KALRN: variants seen among roughly 807,000 people sequenced by gnomAD.
KALRN encodes kalirin RhoGEF kinase, also known as kalirin.
A neutral mutation model predicts 353.7 loss-of-function variants in KALRN; 70 were observed. The observed-to-expected ratio is 0.20, with a 90% CI of 0.16 to 0.24. The LOEUF is 0.24. KALRN is among the 10% of genes least tolerant of loss of function. The pLI is 1.00. For missense variants in KALRN, 2,791 were observed against 3,756.7 expected (o/e 0.74, Z 6.72); for synonymous variants, 1,391 against 1,434.8 (o/e 0.97, Z 0.69).
intron 33 of KALRN, chr3:124,518,551 C>A (rs41264659): frequency 0.021 from 34,424 of 1,609,652 alleles, 467 homozygotes; most frequent in Non-Finnish European, 0.025. Context: ...ACCCACCTCT[C>A]TTGAGACTTC....
chr3:124,255,616 G>C (rs1416393402), intron 3 of KALRN, among the ~76,000 whole-genome samples: 1 of 152,224 alleles, frequency 6.6e-6, no homozygotes, highest in East Asian at 1.9e-4. Context: ...TAAGGCTCTA[G>C]AAATTGGTCA....
Position 124,490,959 on chromosome 3 carries a change from ACTCAT to A in KALRN, c.4587+84_4587+88del, listed in dbSNP as rs959218973. ...CATGGGCAGGAAGGGATCTGGACACACTCATCTCATCTCCTCCCCGGCCTCCACAC... is the reference window on the plus strand; with the variant it reads ...CATGGGCAGGAAGGGATCTGGACACACTCATCTCCTCCCCGGCCTCCACAC... On this transcript the variant is annotated intron_variant, in intron 30 of 59. Coordinates refer to ENST00000682506, the MANE Select transcript of KALRN (RefSeq NM_001388419.1). 21 of 1,339,866 alleles carry A rather than the reference ACTCAT, an allele frequency of 1.6e-5. No homozygotes were observed. In the African/African-American group the frequency reaches 2.2e-4, roughly 14 times the overall value. The allele number at this position is 1,339,866 out of a possible 1,614,324, so 83.0% of individuals were successfully genotyped here.
chr3:124,174,325 T>A (rs2072342539), intron 1 of KALRN, among the ~76,000 whole-genome samples: 1 of 152,038 alleles, frequency 6.6e-6, no homozygotes, highest in Non-Finnish European at 1.5e-5. Context: ...TCCAAGCTAC[T>A]TGGGAGGCTG....
chr3:124,084,742 A>T (rs2060718857), intron 1 of KALRN, among the ~76,000 whole-genome samples: 1 of 152,190 alleles, frequency 6.6e-6, no homozygotes, highest in Non-Finnish European at 1.5e-5. Flanking sequence ...TTGCCAATTA[A>T]CAGGGCACTT....
At chr3:124,175,803 C>A (rs2072646943) in intron 1 of KALRN, among the ~76,000 whole-genome samples, 1 of 152,186 alleles carries the variant, frequency 6.6e-6, no homozygotes, top group Admixed American at 6.5e-5. Context: ...TTTTAGATTT[C>A]AGCCTCTATT....
At chr3:124,067,914 T>C (rs1295098615) in intron 1 of KALRN, among the ~76,000 whole-genome samples, 1 of 152,192 alleles carries the variant, frequency 6.6e-6, no homozygotes, top group Non-Finnish European at 1.5e-5. Flanking sequence ...CCTGACGTAG[T>C]CTTGTAACCA....
chr3:124,130,406 A>G (rs2065143149), intron 1 of KALRN, among the ~76,000 whole-genome samples: 1 of 152,224 alleles, frequency 6.6e-6, no homozygotes, highest in Non-Finnish European at 1.5e-5. Context: ...AAAACTGCTT[A>G]AAGACTAACA....
At position 124,140,278 on chromosome 3, in the gene KALRN, C is replaced by G. The variant is rs142490060; in HGVS notation, c.74-87712C>G. On this transcript the variant is annotated intron_variant, in intron 1 of 59. Transcript: ENST00000682506. ...CTCTTGTACTTACGGCTGGTAACAA[C>G]TCACTAAGTTATGCCTCACAGGAGA... Among the ~76,000 whole-genome samples, 370 of 152,324 alleles carry G rather than the reference C, an allele frequency of 2.4e-3. 1 individual carries two copies. Among genetic ancestry groups the G allele is most frequent in the African/African-American group, 7.9e-3 (330 of 41,574 alleles).
At chr3:124,666,762 G>A in intron 46 of KALRN, 128 bp downstream of exon 46, 1 of 803,828 alleles carries the variant, frequency 1.2e-6, no homozygotes, top group Non-Finnish European at 2.0e-6. Flanking sequence ...ATAACATTCG[G>A]TCATGGAGGC....
chr3:124,604,550 T>C (rs2077130214), intron 34 of KALRN, among the ~76,000 whole-genome samples: 2 of 152,218 alleles, frequency 1.3e-5, no homozygotes, highest in African/African-American at 4.8e-5. Flanking sequence ...TTATGATCCT[T>C]AAAATAAATT....
chr3:124,235,027 A>G lies in KALRN; in HGVS notation c.263+84A>G, dbSNP rs889092744. The G allele has an allele frequency of 7.3e-5, 67 of 913,440 alleles. 1 individual carries two copies. Among genetic ancestry groups the G allele is most frequent in the South Asian group, 5.4e-4 (37 of 68,004 alleles). The allele number at this position is 913,440 out of a possible 1,614,324, so 56.6% of individuals were successfully genotyped here. A position where few individuals can be genotyped will look rare whatever the true frequency, so the allele number is the denominator to read the frequency against. On this transcript the variant is annotated intron_variant, in intron 3 of 59. Transcript: ENST00000682506. ...TTTGGAAGGAGCCTCCATCCCTGCC[A>G]GGGACCCTAGTGGTTTCTGCTCTTC...
At chr3:124,518,943 G>A in intron 33 of KALRN, 1 of 993,930 alleles carries the variant, frequency 1.0e-6, no homozygotes, top group Non-Finnish European at 1.2e-6. Flanking sequence ...AATCTAGCTT[G>A]TATCCCCACA....
At chr3:124,657,702 G>T (rs944042918) in intron 40 of KALRN, 32 bp from the exon 41 acceptor site, 1 of 1,535,004 alleles carries the variant, frequency 6.5e-7, no homozygotes. Flanking sequence ...GAATAATGTG[G>T]CTTCCTTCTC....
At chr3:124,042,963 G>A (rs1206145777) in intron 1 of KALRN, among the ~76,000 whole-genome samples, 4 of 152,198 alleles carry the variant, frequency 2.6e-5, no homozygotes, top group Admixed American at 1.3e-4. Context: ...AGACAGAATT[G>A]TATATACAGG....
chr3:124,497,495 G>A (rs1489659845), intron 33 of KALRN, among the ~76,000 whole-genome samples: 1 of 152,132 alleles, frequency 6.6e-6, no homozygotes, highest in East Asian at 1.9e-4. Context: ...TGGGGACTGT[G>A]CCCCGAACCT....
intron 41 of KALRN, 87 bp downstream of exon 41, chr3:124,657,890 A>C: frequency 1.0e-6 from 1 of 995,438 alleles, no homozygotes; most frequent in Non-Finnish European, 1.6e-6. Flanking sequence ...ACAGTGGCTC[A>C]CACCTGTAAT....
chr3:124,569,894 G>A (rs1193511716), intron 34 of KALRN, among the ~76,000 whole-genome samples: 1 of 152,210 alleles, frequency 6.6e-6, no homozygotes, highest in Non-Finnish European at 1.5e-5. Context: ...ATAAGATTCT[G>A]ATGTCCTCAG....
Position 124,181,112 on chromosome 3 carries a change from G to A in KALRN, c.74-46878G>A, listed in dbSNP as rs888825541. Among the ~76,000 whole-genome samples the A allele has an allele frequency of 4.4e-4, 61 of 138,730 alleles. 1 individual carries two copies. The highest frequency in any genetic ancestry group is 2.2e-3 in the Admixed American group (30 of 13,728). The allele number at this position is 138,730 out of a possible 152,430, so 91.0% of individuals were successfully genotyped here. A position where few individuals can be genotyped will look rare whatever the true frequency, so the allele number is the denominator to read the frequency against. ...AAAAAAAAAAAAAAATTAGCCAGGCGTGATGGTGTGCACCTGTAATCCTAG... is the reference window on the plus strand; with the variant it reads ...AAAAAAAAAAAAAAATTAGCCAGGCATGATGGTGTGCACCTGTAATCCTAG... On this transcript the variant is annotated intron_variant, in intron 1 of 59. Coordinates refer to ENST00000682506, the MANE Select transcript of KALRN (RefSeq NM_001388419.1).
chr3:124,082,059 T>C (rs1238030484), intron 1 of KALRN, among the ~76,000 whole-genome samples: 1 of 152,198 alleles, frequency 6.6e-6, no homozygotes. Context: ...GTAGTGAAGA[T>C]GAGACTGTGG....
Sources: gnomAD v4.1 joint callset for allele counts (sites outside exome capture counted in the v4.1 genomes callset) on GRCh38, gnomAD v4.1.1 for gene constraint, MANE v1.5 for transcripts, NCBI Gene and HGNC (gene_info 2026-07-23, HGNC 2026-07-21) for gene names.